Variants in B3GALT1 observed in about 807,000 individuals in gnomAD.
B3GALT1 encodes UDP-Gal:betaGlcNAc beta 1,3-galactosyltransferase, polypeptide 1.
Under a neutral mutation model 23.2 loss-of-function variants are expected in B3GALT1, and 10 were observed. The ratio of observed to expected loss-of-function variants is 0.43; its 90% confidence interval spans 0.27 to 0.73. The LOEUF is 0.73. Among genes scored for constraint, B3GALT1 ranks in the 30% least tolerant of loss-of-function variants. The pLI, the probability that B3GALT1 is intolerant of heterozygous loss-of-function variation, is 0.21. For synonymous variants in B3GALT1, 156 were observed against 141.5 expected, an observed-to-expected ratio of 1.10 and a Z score of -0.73; for missense variants, 299 against 405.4, an observed-to-expected ratio of 0.74 and a Z score of 2.25.
intron 1 of B3GALT1, among the ~76,000 whole-genome samples, chr2:167,298,042 T>C (rs768519770): frequency 3.9e-5 from 6 of 152,144 alleles, no homozygotes; most frequent in Non-Finnish European, 4.4e-5. Flanking sequence ...CTAGTTTTTC[T>C]TCTTTCTGCC....
intron 2 of B3GALT1, among the ~76,000 whole-genome samples, chr2:167,561,841 G>A (rs1684001308): frequency 6.6e-6 from 1 of 152,138 alleles, no homozygotes; most frequent in South Asian, 2.1e-4. Context: ...AAGAGTCCAG[G>A]ACCAGATGGA....
At chr2:167,368,592 A>G (rs954370713) in intron 1 of B3GALT1, among the ~76,000 whole-genome samples, 1 of 152,158 alleles carries the variant, frequency 6.6e-6, no homozygotes, top group African/African-American at 2.4e-5. Context: ...GGCACCCCTC[A>G]TTTTGTAGTT....
chr2:167,344,444 A>G (rs569106187), intron 1 of B3GALT1, among the ~76,000 whole-genome samples: 31 of 152,214 alleles, frequency 2.0e-4, no homozygotes, highest in African/African-American at 6.5e-4. Flanking sequence ...ATGGTAATCA[A>G]ACACTCTGGA....
chr2:167,809,088 C>T, intron 3 of B3GALT1, among the ~76,000 whole-genome samples: 1 of 152,166 alleles, frequency 6.6e-6, no homozygotes, highest in South Asian at 2.1e-4. Flanking sequence ...GCTACTGAGG[C>T]TTGTGCATTC....
At chr2:167,684,827 A>G (rs1686590698) in intron 3 of B3GALT1, among the ~76,000 whole-genome samples, 1 of 152,226 alleles carries the variant, frequency 6.6e-6, no homozygotes, top group Non-Finnish European at 1.5e-5. Context: ...GTCAGATCAG[A>G]TGGCAGTGAT....
At position 167,392,325 on chromosome 2, in the gene B3GALT1, G is replaced by A. The variant is rs73021752; in HGVS notation, c.-510-97852G>A. On this transcript the variant is annotated intron_variant, in intron 1 of 4. Transcript: ENST00000392690. The stretch of plus-strand genomic sequence containing the variant: ...CCTACCAAAAAACAAAATCTAAATA[G>A]GGTACTCTTTAACTTTAGGGATATC... Among the ~76,000 whole-genome samples, 907 of 152,068 alleles carry A rather than the reference G, an allele frequency of 6.0e-3. 9 individuals are homozygous for A. Among genetic ancestry groups the A allele is most frequent in the African/African-American group, 0.021 (865 of 41,480 alleles).
chr2:167,443,633 A>G (rs1205691138), intron 1 of B3GALT1, among the ~76,000 whole-genome samples: 2 of 152,176 alleles, frequency 1.3e-5, no homozygotes, highest in African/African-American at 2.4e-5. Flanking sequence ...CTTTGAAGCA[A>G]TTGTGAATGG....
At chr2:167,728,750 ATATTGTT>A (rs1261507358) in intron 3 of B3GALT1, among the ~76,000 whole-genome samples, 1 of 152,168 alleles carries the variant, frequency 6.6e-6, no homozygotes, top group Non-Finnish European at 1.5e-5. Flanking sequence ...TAATGATTGC[ATATTGTT>A]TAATTGTATA....
At chr2:167,715,593 T>C (rs1687129919) in intron 3 of B3GALT1, 12 of 1,613,958 alleles carry the variant, frequency 7.4e-6, no homozygotes, top group African/African-American at 1.3e-5. Flanking sequence ...GGAGAATGTT[T>C]AGATTTCTCT....
chr2:167,479,343 A>G (rs1421057767), intron 1 of B3GALT1, among the ~76,000 whole-genome samples: 1 of 152,204 alleles, frequency 6.6e-6, no homozygotes, highest in Non-Finnish European at 1.5e-5. Flanking sequence ...TAATTCAAAA[A>G]TATGCATGTA....
chr2:167,779,477 A>G (rs563976851), intron 3 of B3GALT1, among the ~76,000 whole-genome samples: 1 of 152,314 alleles, frequency 6.6e-6, no homozygotes, highest in South Asian at 2.1e-4. Flanking sequence ...TGACTTGCAT[A>G]AAATATATCC....
At chr2:167,788,841 G>GAGAAT (rs1296170633) in intron 3 of B3GALT1, among the ~76,000 whole-genome samples, 1 of 152,176 alleles carries the variant, frequency 6.6e-6, no homozygotes, top group African/African-American at 2.4e-5. Context: ...GAGAGGAAGG[G>GAGAAT]AGAACCAATA....
chr2:167,804,722 A>G (rs371327640), intron 3 of B3GALT1, among the ~76,000 whole-genome samples: 5,038 of 152,210 alleles, frequency 0.033, 121 homozygotes, highest in South Asian at 0.068. Flanking sequence ...AATCCAGTCT[A>G]TCATTGTTGG....
At chr2:167,667,113 A>G (rs1040371798) in intron 3 of B3GALT1, among the ~76,000 whole-genome samples, 19 of 151,648 alleles carry the variant, frequency 1.3e-4, no homozygotes, top group Admixed American at 9.9e-4. Flanking sequence ...CATGTTTAGC[A>G]CTTCCTTCAG....
intron 2 of B3GALT1, among the ~76,000 whole-genome samples, chr2:167,590,463 C>T (rs1386742097): frequency 1.3e-5 from 2 of 151,642 alleles, no homozygotes; most frequent in East Asian, 1.9e-4. Flanking sequence ...ATGTGACAGA[C>T]CCACACATCC....
intron 4 of B3GALT1, among the ~76,000 whole-genome samples, chr2:167,827,199 A>G (rs760806377): frequency 1.3e-5 from 2 of 152,184 alleles, no homozygotes; most frequent in Non-Finnish European, 2.9e-5. Flanking sequence ...ACTGCCCAAA[A>G]CAGCCCTTCA....
At chr2:167,328,316 G>A (rs191139199) in intron 1 of B3GALT1, among the ~76,000 whole-genome samples, 38 of 152,228 alleles carry the variant, frequency 2.5e-4, no homozygotes, top group African/African-American at 8.4e-4. Context: ...ATCTTTATAC[G>A]TTTGGTAGAA....
chr2:167,480,683 T>C (rs1001769690), intron 1 of B3GALT1, among the ~76,000 whole-genome samples: 2 of 152,224 alleles, frequency 1.3e-5, no homozygotes, highest in South Asian at 4.1e-4. Context: ...GCTGCCTTGC[T>C]GACATTTCCA....
At chr2:167,349,382 A>G (rs749484312) in intron 1 of B3GALT1, among the ~76,000 whole-genome samples, 1 of 152,082 alleles carries the variant, frequency 6.6e-6, no homozygotes, top group Non-Finnish European at 1.5e-5. Context: ...AGTAACCTTT[A>G]TTTTACTTCA....
Sources: allele counts gnomAD v4.1 joint callset (sites outside exome capture counted in the v4.1 genomes callset), GRCh38; gene constraint gnomAD v4.1.1; transcripts MANE v1.5; gene names NCBI Gene and HGNC (gene_info 2026-07-23, HGNC 2026-07-21).